AADACL4: variants seen among roughly 807,000 people sequenced by gnomAD.
The protein encoded by AADACL4 is arylacetamide deacetylase like 4, also known as arylacetamide deacetylase-like 4.
Under a neutral mutation model 14.1 loss-of-function variants are expected in AADACL4, and 9 were observed. That is an observed-to-expected ratio of 0.64 (90% CI 0.39 to 1.12). AADACL4 has a LOEUF of 1.12. Ranked by LOEUF, AADACL4 falls within the 50% of genes most tolerant of loss-of-function variation. The pLI is 0.01. For synonymous variants in AADACL4, 188 were observed against 201.6 expected, an observed-to-expected ratio of 0.93 and a Z score of 0.57; for missense variants, 531 against 516.1, an observed-to-expected ratio of 1.03 and a Z score of -0.28.
rs539452254 is a variant in AADACL4 at position 12,651,242 on chromosome 1, G to T, written c.288G>T (p.Thr96=). The change falls in exon 2 of 4, where the codon ACG becomes ACT. Residue 96 remains threonine, a synonymous_variant. Transcript: ENST00000376221. ...TGGTGACCGACCTGCGTTTTGGGAC[G>T]ATACCCGTGAGGCTGTTCCAGCCGA... ...ELVVTDLRFG[T]IPVRLFQPKA... is the part of the protein sequence containing the mutation. 8.1e-6 allele frequency: 13 copies of T among 1,614,090 alleles called. No individual in the cohort carries two copies. Among genetic ancestry groups the T allele is most frequent in the Non-Finnish European group, 1.1e-5 (13 of 1,180,054 alleles).
intron 2 of AADACL4, among the ~76,000 whole-genome samples, chr1:12,658,172 C>T (rs945000914): frequency 2.2e-5 from 3 of 138,812 alleles, no homozygotes; most frequent in African/African-American, 2.8e-5. Context: ...TTCTTTTTCT[C>T]TTTCTCTCTT....
At chr1:12,651,831 T>C (rs1647150173) in intron 2 of AADACL4, among the ~76,000 whole-genome samples, 1 of 148,174 alleles carries the variant, frequency 6.7e-6, no homozygotes, top group African/African-American at 2.5e-5. Context: ...TAGGAGGATT[T>C]TTTTTTTTTT....
chr1:12,663,130 G>T (rs1266238600), intron 3 of AADACL4, among the ~76,000 whole-genome samples: 1 of 152,178 alleles, frequency 6.6e-6, no homozygotes, highest in Admixed American at 6.5e-5. Flanking sequence ...GAGAGACACT[G>T]AAGGAAGGGA....
intron 3 of AADACL4, among the ~76,000 whole-genome samples, chr1:12,662,990 C>G (rs1398236592): frequency 1.3e-5 from 2 of 152,164 alleles, no homozygotes; most frequent in African/African-American, 4.8e-5. Context: ...GCTTAGGATG[C>G]CATTATCCCA....
At chr1:12,658,536 C>T (rs1239279326) in intron 2 of AADACL4, among the ~76,000 whole-genome samples, 2 of 152,148 alleles carry the variant, frequency 1.3e-5, no homozygotes, top group Admixed American at 6.5e-5. Flanking sequence ...TGGGATTACA[C>T]GGGTGAGCCA....
intron 1 of AADACL4, among the ~76,000 whole-genome samples, chr1:12,648,656 G>C (rs1473057403): frequency 6.6e-6 from 1 of 151,648 alleles, no homozygotes; most frequent in Non-Finnish European, 1.5e-5. Context: ...GCCAGCTTCG[G>C]CTTCCCAAAG....
chr1:12,655,519 C>A (rs1647175637), intron 2 of AADACL4, among the ~76,000 whole-genome samples: 1 of 151,816 alleles, frequency 6.6e-6, no homozygotes, highest in East Asian at 1.9e-4. Flanking sequence ...TCTAGGTGGG[C>A]TCCCTGGCTG....
chr1:12,648,885 C>T lies in AADACL4; in HGVS notation c.169-2238C>T, dbSNP rs181569495. On this transcript the variant is annotated intron_variant, in intron 1 of 3. Transcript: ENST00000376221. ...AGCTAGTGGCCATCACACGGTACAGCGTGATGTTAAACTTTCCGGGGTAGC... is the reference window on the plus strand; with the variant it reads ...AGCTAGTGGCCATCACACGGTACAGTGTGATGTTAAACTTTCCGGGGTAGC... 5.3e-5 allele frequency among the ~76,000 whole-genome samples: 8 copies of T among 152,268 alleles called. No homozygotes were observed. The South Asian group carries it at 6.2e-4, about 12-fold the overall frequency.
At chr1:12,651,952 C>T (rs1179066588) in intron 2 of AADACL4, among the ~76,000 whole-genome samples, 1 of 151,792 alleles carries the variant, frequency 6.6e-6, no homozygotes, top group East Asian at 1.9e-4. Flanking sequence ...CCTCAGCCTC[C>T]CAAGTAGCTG....
At position 12,644,311 on chromosome 1, in the gene AADACL4, T is replaced by C. The variant is rs1363368732; in HGVS notation, c.-236T>C. On this transcript the variant is annotated 5_prime_UTR_variant, in exon 1 of 4. The change abolishes an upstream ATG in the 5' untranslated region. Coordinates refer to ENST00000376221, the MANE Select transcript of AADACL4 (RefSeq NM_001013630.2). ...GCTCACCTTCCAAGACTCCCCATGA[T>C]GAGCAGTATTGATTTTTCTGGGTCC... 6.6e-6 allele frequency among the ~76,000 whole-genome samples: 1 copy of C among 152,178 alleles called. No homozygotes were observed. Among genetic ancestry groups the C allele is most frequent in the East Asian group, 1.9e-4 (1 of 5,186 alleles).
chr1:12,666,097 G>A lies in AADACL4; in HGVS notation c.586G>A (p.Gly196Ser). The A allele has an allele frequency of 1.2e-6, 2 of 1,614,256 alleles. No homozygotes were observed. The highest frequency in any genetic ancestry group is 1.7e-6 in the Non-Finnish European group (2 of 1,180,046). Residue 196 changes from glycine to serine, a missense_variant, in exon 4 of 4, where the codon GGT (glycine) becomes AGT (serine). Gly to Ser is a moderately conservative substitution (Grantham distance 56, BLOSUM62 0). Transcript: ENST00000376221. ...RVVVCGESVG[G>S]AAVAAITQAL... ...TGTGGTCTGTGGAGAAAGCGTCGGAGGTGCAGCGGTGGCCGCCATCACCCA... is the reference window on the plus strand; with the variant it reads ...TGTGGTCTGTGGAGAAAGCGTCGGAAGTGCAGCGGTGGCCGCCATCACCCA...
At position 12,650,436 on chromosome 1, in the gene AADACL4, G is replaced by A. The variant is rs573338697; in HGVS notation, c.169-687G>A. Among the ~76,000 whole-genome samples, 15 of 152,202 alleles carry A rather than the reference G, an allele frequency of 9.9e-5. No individual in the cohort carries two copies. In the South Asian group the frequency reaches 3.1e-3, roughly 32 times the overall value. ...CCAGAAGAATGATCTGTTGATACAG[G>A]TGAGGAACTATCTTTGCATCCCAGG... On this transcript the variant is annotated intron_variant, in intron 1 of 3. Transcript: ENST00000376221.
chr1:12,644,244 G>T lies in AADACL4; in HGVS notation c.-303G>T, dbSNP rs1050986676. 1.3e-5 allele frequency among the ~76,000 whole-genome samples: 2 copies of T among 152,168 alleles called. No individual in the cohort carries two copies. The highest frequency in any genetic ancestry group is 4.8e-5 in the African/African-American group (2 of 41,426). ...TCTCTTTCTAGGGTTCCCAGGAGCC[G>T]AGGTGCCCATCTGAGCCTGATCTTC... On this transcript the variant is annotated 5_prime_UTR_variant, in exon 1 of 4. Coordinates refer to ENST00000376221, the MANE Select transcript of AADACL4 (RefSeq NM_001013630.2).
chr1:12,658,100 T>C (rs1372923553), intron 2 of AADACL4, among the ~76,000 whole-genome samples: 52 of 121,474 alleles, frequency 4.3e-4, no homozygotes, highest in Admixed American at 8.1e-4. Context: ...TCTTTCTTTC[T>C]CTCTTTCTTT....
chr1:12,644,813 T>C, intron 1 of AADACL4, 99 bp downstream of exon 1: 1 of 1,326,578 alleles, frequency 7.5e-7, no homozygotes, highest in Non-Finnish European at 1.0e-6. Context: ...TCTGTCTCTC[T>C]CTCTTCGGAC....
chr1:12,658,176 C>CTT (rs1557550946), intron 2 of AADACL4, among the ~76,000 whole-genome samples: 4 of 139,494 alleles, frequency 2.9e-5, no homozygotes, highest in African/African-American at 1.1e-4. Context: ...TTTTCTCTTT[C>CTT]TCTCTTTCTT....
chr1:12,644,636 CA>C lies in AADACL4; in HGVS notation c.91del (p.Thr31ArgfsTer13). 1 of 1,614,178 alleles carries C rather than the reference CA, an allele frequency of 6.2e-7. No homozygotes were observed. Among genetic ancestry groups the C allele is most frequent in the South Asian group, 1.1e-5 (1 of 91,082 alleles). On this transcript the variant is annotated frameshift_variant, in exon 1 of 4. Transcript: ENST00000376221. LOFTEE classifies it high-confidence loss of function. ...VWAVFEHFLT[T>X]DIPATLQHPA... ...GGGCTGTCTTTGAGCACTTCCTCACCACGGATATCCCTGCTACCTTGCAGCA... is the reference window on the plus strand; with the variant it reads ...GGGCTGTCTTTGAGCACTTCCTCACCCGGATATCCCTGCTACCTTGCAGCA...
chr1:12,652,973 C>A (rs1406391662), intron 2 of AADACL4, among the ~76,000 whole-genome samples: 1 of 152,212 alleles, frequency 6.6e-6, no homozygotes, highest in South Asian at 2.1e-4. Flanking sequence ...ATTTTCTATT[C>A]TTCTGCGACC....
intron 1 of AADACL4, among the ~76,000 whole-genome samples, chr1:12,650,735 G>A (rs990536486): frequency 6.6e-6 from 1 of 152,136 alleles, no homozygotes; most frequent in Non-Finnish European, 1.5e-5. Context: ...GTTTCACCAT[G>A]TCGGCCAGAA....
Sources: gnomAD v4.1 joint callset for allele counts (sites outside exome capture counted in the v4.1 genomes callset) on GRCh38, gnomAD v4.1.1 for gene constraint, MANE v1.5 for transcripts, NCBI Gene and HGNC (gene_info 2026-07-23, HGNC 2026-07-21) for gene names.